Variants in MLIP observed in about 807,000 individuals in gnomAD.
MLIP encodes muscular LMNA interacting protein.
Under a neutral mutation model 84.8 loss-of-function variants are expected in MLIP, and 79 were observed. The observed-to-expected ratio is 0.93, with a 90% CI of 0.78 to 1.12. The LOEUF (loss-of-function observed/expected upper bound fraction) is 1.12, where lower values mean the gene tolerates loss of function less well. Ranked by LOEUF, MLIP falls within the 50% of genes most tolerant of loss-of-function variation. MLIP has a pLI of 0.00. For synonymous variants in MLIP, 504 were observed against 463.0 expected, an observed-to-expected ratio of 1.09 and a Z score of -1.14; for missense variants, 1,257 against 1,160.6, an observed-to-expected ratio of 1.08 and a Z score of -1.21.
chr6:54,265,921 C>T (rs764093614), intron 13 of MLIP, 29 bp from the exon 14 acceptor site: 1 of 1,604,286 alleles, frequency 6.2e-7, no homozygotes, highest in South Asian at 1.1e-5. Context: ...TTCATCTTAA[C>T]CTGACTACCA....
At chr6:54,127,015 T>TAC (rs1438921317) in intron 3 of MLIP, among the ~76,000 whole-genome samples, 1 of 152,152 alleles carries the variant, frequency 6.6e-6, no homozygotes, top group East Asian at 1.9e-4. Flanking sequence ...ATCACCAAAG[T>TAC]ACATACTTCA....
In MLIP at chr6:54,260,073, T is replaced by G. The variant is rs528385884; in HGVS notation, c.2976+2712T>G. Among the ~76,000 whole-genome samples the G allele has an allele frequency of 3.3e-5, 5 of 152,126 alleles. No individual in the cohort carries two copies. In the South Asian group the frequency reaches 1.0e-3, roughly 31 times the overall value. On this transcript the variant is annotated intron_variant, in intron 13 of 13. Coordinates refer to ENST00000502396, the MANE Select transcript of MLIP (RefSeq NM_001281747.2). ...CATTATTTTCCTCTTGGTTTTTCTT[T>G]CATTTCCTAAAGACATTAGTTTGTC...
intron 1 of MLIP, among the ~76,000 whole-genome samples, chr6:54,080,084 T>G (rs1179571708): frequency 6.6e-6 from 1 of 152,176 alleles, no homozygotes; most frequent in Non-Finnish European, 1.5e-5. Flanking sequence ...CTGGCCACTT[T>G]CCATGCTGTA....
At chr6:54,197,685 G>A (rs1049449703) in intron 10 of MLIP, among the ~76,000 whole-genome samples, 5 of 152,062 alleles carry the variant, frequency 3.3e-5, no homozygotes, top group African/African-American at 7.2e-5. Flanking sequence ...ATCATTAGAC[G>A]GCCATTTGCA....
chr6:54,051,328 T>G (rs1184546268), intron 1 of MLIP, among the ~76,000 whole-genome samples: 1 of 144,566 alleles, frequency 6.9e-6, no homozygotes, highest in Non-Finnish European at 1.5e-5. Flanking sequence ...TTAAATTGTT[T>G]AATTTAATTT....
At chr6:54,257,952 T>TA (rs1004741953) in intron 13 of MLIP, among the ~76,000 whole-genome samples, 1 of 152,062 alleles carries the variant, frequency 6.6e-6, no homozygotes, top group African/African-American at 2.4e-5. Context: ...TTTCTTTTTT[T>TA]AAAAAAATGC....
At chr6:54,103,535 G>C (rs1047136516) in intron 1 of MLIP, among the ~76,000 whole-genome samples, 1 of 152,154 alleles carries the variant, frequency 6.6e-6, no homozygotes, top group Non-Finnish European at 1.5e-5. Context: ...GGTGCTCTCT[G>C]ATCTAAAGCC....
At chr6:54,231,973 G>C (rs1229229510) in intron 12 of MLIP, among the ~76,000 whole-genome samples, 1 of 152,048 alleles carries the variant, frequency 6.6e-6, no homozygotes, top group Non-Finnish European at 1.5e-5. Flanking sequence ...ACAACTGAAT[G>C]ATCAATTTTG....
At chr6:54,035,774 T>C (rs1764399293) in intron 1 of MLIP, among the ~76,000 whole-genome samples, 1 of 152,066 alleles carries the variant, frequency 6.6e-6, no homozygotes, top group African/African-American at 2.4e-5. Flanking sequence ...TTTGGTGAAG[T>C]GTCTGTTCAG....
intron 11 of MLIP, among the ~76,000 whole-genome samples, chr6:54,203,316 G>GAT (rs1434806235): frequency 6.6e-6 from 1 of 152,024 alleles, no homozygotes; most frequent in Non-Finnish European, 1.5e-5. Flanking sequence ...AGCAATGTAA[G>GAT]ATATTCAGAA....
At chr6:54,108,200 CA>C (rs967877445), upstream of MLIP, among the ~76,000 whole-genome samples, 3 of 151,316 alleles carry the variant, frequency 2.0e-5, no homozygotes, top group Non-Finnish European at 4.4e-5. Context: ...CCTGTGAAAA[CA>C]AAAAAAAGAT....
At chr6:54,257,867 A>G (rs1007657451) in intron 13 of MLIP, among the ~76,000 whole-genome samples, 4 of 152,150 alleles carry the variant, frequency 2.6e-5, no homozygotes, top group Admixed American at 6.6e-5. Context: ...TATCAGCTCA[A>G]TCATAGCCTC....
chr6:54,261,242 C>T (rs1236330253), intron 13 of MLIP, among the ~76,000 whole-genome samples: 1 of 152,032 alleles, frequency 6.6e-6, no homozygotes, highest in East Asian at 1.9e-4. Flanking sequence ...ACTACTTCTC[C>T]TTCTGCAGAC....
intron 1 of MLIP, among the ~76,000 whole-genome samples, chr6:54,111,806 A>G (rs2150408325): frequency 6.6e-6 from 1 of 152,332 alleles, no homozygotes; most frequent in South Asian, 2.1e-4. Context: ...TGATAATGTA[A>G]GATACCCTGT....
chr6:54,130,581 G>A (rs1771293214), intron 3 of MLIP, among the ~76,000 whole-genome samples: 1 of 152,100 alleles, frequency 6.6e-6, no homozygotes, highest in Non-Finnish European at 1.5e-5. Context: ...GAAGGTAGTA[G>A]GCTAGGCACT....
In MLIP at chr6:54,065,585, G is replaced by A. The variant is rs377765655; in HGVS notation, c.63+46494G>A. Among the ~76,000 whole-genome samples the A allele has an allele frequency of 3.0e-5, 3 of 100,492 alleles. 1 individual carries two copies. Among genetic ancestry groups the A allele is most frequent in the African/African-American group, 7.6e-5 (3 of 39,232 alleles). The allele number at this position is 100,492 out of a possible 152,430, so 65.9% of individuals were successfully genotyped here. A position where few individuals can be genotyped will look rare whatever the true frequency, so the allele number is the denominator to read the frequency against. On this transcript the variant is annotated intron_variant, in intron 1 of 12. Coordinates refer to the MLIP transcript ENST00000274897. ...TATGAATAATTCTAAATGAGGTTAC[G>A]GAATCTCCTCTAAGGAAGACCCTTG...
At chr6:54,158,081 T>C (rs890458477) in intron 5 of MLIP, among the ~76,000 whole-genome samples, 2 of 152,108 alleles carry the variant, frequency 1.3e-5, no homozygotes, top group African/African-American at 4.8e-5. Context: ...ATGGCAGTTC[T>C]AGCATCTGGA....
At chr6:54,184,187 A>T (rs1175714886) in intron 9 of MLIP, among the ~76,000 whole-genome samples, 1 of 152,106 alleles carries the variant, frequency 6.6e-6, no homozygotes, top group Non-Finnish European at 1.5e-5. Flanking sequence ...GAGCTCTTGA[A>T]CTTTGAGAAA....
Position 54,190,644 on chromosome 6 carries a change from A to T in MLIP, c.2589+730A>T, listed in dbSNP as rs574626526. 1.1e-4 allele frequency among the ~76,000 whole-genome samples: 17 copies of T among 152,280 alleles called. 1 individual carries two copies. In the South Asian group the frequency reaches 3.1e-3, roughly 28 times the overall value. On this transcript the variant is annotated intron_variant, in intron 10 of 13. Coordinates refer to ENST00000502396, the MANE Select transcript of MLIP (RefSeq NM_001281747.2). ...GTGGGGACTACATTGGGCAGCACAG[A>T]TCCAGACTCTAAAATCTGTTATTTG...
Sources: gnomAD v4.1 joint callset for allele counts (sites outside exome capture counted in the v4.1 genomes callset) on GRCh38, gnomAD v4.1.1 for gene constraint, MANE v1.5 for transcripts, NCBI Gene and HGNC (gene_info 2026-07-23, HGNC 2026-07-21) for gene names.